Variants in AGBL4 observed in about 807,000 individuals in gnomAD.
AGBL4 encodes AGBL carboxypeptidase 4, also known as cytosolic carboxypeptidase 6.
AGBL4 carries 58 observed loss-of-function variants against 66.4 expected under a neutral mutation model. The observed-to-expected ratio is 0.87, with a 90% CI of 0.71 to 1.09. AGBL4 has a LOEUF of 1.09. Among genes scored for constraint, AGBL4 ranks in the 50% least tolerant of loss-of-function variants. The probability of loss-of-function intolerance (pLI) is 0.00; values close to 1 mark genes in which losing one functional copy is unlikely to be tolerated. For missense variants in AGBL4, 579 were observed against 631.0 expected (o/e 0.92, Z 0.88); for synonymous variants, 234 against 222.9 (o/e 1.05, Z -0.44).
intron 3 of AGBL4, among the ~76,000 whole-genome samples, chr1:49,319,823 C>T (rs1365497383): frequency 6.6e-6 from 1 of 152,192 alleles, no homozygotes; most frequent in Non-Finnish European, 1.5e-5. Flanking sequence ...CTAAATTCAT[C>T]CTTCCATAAG....
chr1:49,622,553 C>T (rs1033441621), intron 3 of AGBL4, among the ~76,000 whole-genome samples: 10 of 141,770 alleles, frequency 7.1e-5, no homozygotes, highest in Non-Finnish European at 1.4e-4. Flanking sequence ...GGCGTGAACC[C>T]GGGAGGCGGA....
At chr1:48,898,647 G>T in intron 5 of AGBL4, among the ~76,000 whole-genome samples, 1 of 32,502 alleles carries the variant, frequency 3.1e-5, no homozygotes, top group East Asian at 6.2e-4. Context: ...TGGTCTATGT[G>T]CTTATTTTTT....
At chr1:48,722,143 G>C (rs1647161666) in intron 6 of AGBL4, among the ~76,000 whole-genome samples, 1 of 145,332 alleles carries the variant, frequency 6.9e-6, no homozygotes, top group South Asian at 2.3e-4. Flanking sequence ...GTGGGTGGGT[G>C]GGCATTGGTG....
intron 1 of AGBL4, among the ~76,000 whole-genome samples, chr1:49,892,016 T>A (rs1217036602): frequency 6.6e-6 from 1 of 152,066 alleles, no homozygotes; most frequent in Non-Finnish European, 1.5e-5. Context: ...AAAGCCCTGA[T>A]CTGGAACTAA....
chr1:48,716,972 C>T lies in AGBL4; in HGVS notation c.635-53731G>A, dbSNP rs754266639. Among the ~76,000 whole-genome samples, 21 of 152,176 alleles carry T rather than the reference C, an allele frequency of 1.4e-4. 1 individual carries two copies. Among genetic ancestry groups the T allele is most frequent in the African/African-American group, 2.4e-4 (10 of 41,432 alleles). ...TTACAGTTCAAAAAGTGCCTTCAACCGATCCCCGATTTAATCCTCTCAAGA... is the reference window on the plus strand; with the variant it reads ...TTACAGTTCAAAAAGTGCCTTCAACTGATCCCCGATTTAATCCTCTCAAGA... On this transcript the variant is annotated intron_variant, in intron 6 of 13. Transcript: ENST00000371839.
intron 2 of AGBL4, among the ~76,000 whole-genome samples, chr1:49,703,160 CAT>C (rs1647132609): frequency 6.7e-6 from 1 of 149,778 alleles, no homozygotes; most frequent in African/African-American, 2.5e-5. Flanking sequence ...TTGCAGATGA[CAT>C]AATTTTTATG....
At chr1:48,785,775 C>T (rs894304085) in intron 6 of AGBL4, among the ~76,000 whole-genome samples, 3 of 152,160 alleles carry the variant, frequency 2.0e-5, no homozygotes, top group Non-Finnish European at 4.4e-5. Flanking sequence ...AGAGTTCTTT[C>T]TTATCCTGTT....
intron 5 of AGBL4, among the ~76,000 whole-genome samples, chr1:49,006,529 C>T (rs1235013214): frequency 6.6e-6 from 1 of 152,220 alleles, no homozygotes; most frequent in Non-Finnish European, 1.5e-5. Context: ...CCCACCACAG[C>T]TCAAGGAGGC....
chr1:48,858,887 G>A (rs1647263362), intron 6 of AGBL4, among the ~76,000 whole-genome samples: 1 of 152,050 alleles, frequency 6.6e-6, no homozygotes, highest in Non-Finnish European at 1.5e-5. Flanking sequence ...TTTTAACTTG[G>A]TGGGAATATA....
At chr1:48,596,560 A>G (rs1377468335) in intron 9 of AGBL4, among the ~76,000 whole-genome samples, 1 of 152,210 alleles carries the variant, frequency 6.6e-6, no homozygotes, top group Non-Finnish European at 1.5e-5. Context: ...CAAGCAAATC[A>G]AATAAACAAA....
chr1:49,922,841 A>T (rs1441765213), intron 1 of AGBL4, among the ~76,000 whole-genome samples: 1 of 152,244 alleles, frequency 6.6e-6, no homozygotes, highest in Non-Finnish European at 1.5e-5. Context: ...AAAGCATTAC[A>T]TGCTCATGGA....
At chr1:49,530,274 A>AAAAAAAAAAAAAAAAAAC (rs1553221141) in intron 3 of AGBL4, among the ~76,000 whole-genome samples, 18 of 134,824 alleles carry the variant, frequency 1.3e-4, no homozygotes, top group African/African-American at 5.8e-4. Flanking sequence ...AAAAAAAAAC[A>AAAAAAAAAAAAAAAAAAC]AAAAAAAACT....
chr1:49,993,625 T>C (rs961933542), intron 1 of AGBL4, among the ~76,000 whole-genome samples: 1 of 152,196 alleles, frequency 6.6e-6, no homozygotes, highest in Non-Finnish European at 1.5e-5. Flanking sequence ...ATCTTGTTAA[T>C]ATTAGGCTTG....
chr1:49,711,214 A>C (rs768289091), intron 2 of AGBL4, among the ~76,000 whole-genome samples: 71 of 152,138 alleles, frequency 4.7e-4, no homozygotes, highest in Non-Finnish European at 8.1e-4. Flanking sequence ...AATGTACACC[A>C]ATTATATGAC....
intron 5 of AGBL4, among the ~76,000 whole-genome samples, chr1:48,997,380 T>C (rs986006925): frequency 6.6e-6 from 1 of 152,158 alleles, no homozygotes; most frequent in African/African-American, 2.4e-5. Flanking sequence ...TACAAGTAGG[T>C]TGATGAATTT....
At chr1:48,770,138 G>A (rs1194718246) in intron 6 of AGBL4, among the ~76,000 whole-genome samples, 7 of 152,142 alleles carry the variant, frequency 4.6e-5, no homozygotes, top group Non-Finnish European at 8.8e-5. Flanking sequence ...TCCATTCTCT[G>A]ACCCCAACTC....
At chr1:49,059,492 GA>G (rs1224855611) in intron 4 of AGBL4, among the ~76,000 whole-genome samples, 1 of 152,252 alleles carries the variant, frequency 6.6e-6, no homozygotes, top group Admixed American at 6.5e-5. Context: ...AGGGCAGTGT[GA>G]AAGGGAAATG....
chr1:49,103,237 A>G (rs1175551836), intron 4 of AGBL4, among the ~76,000 whole-genome samples: 1 of 152,134 alleles, frequency 6.6e-6, no homozygotes, highest in African/African-American at 2.4e-5. Flanking sequence ...CTTCCTGCTT[A>G]TAGCAATATT....
chr1:49,754,156 T>G (rs1009044704), intron 2 of AGBL4, among the ~76,000 whole-genome samples: 3 of 152,104 alleles, frequency 2.0e-5, no homozygotes, highest in African/African-American at 7.2e-5. Flanking sequence ...AGGCATTCTG[T>G]TTTTTGGAAT....
Sources: allele counts gnomAD v4.1 joint callset (sites outside exome capture counted in the v4.1 genomes callset), GRCh38; gene constraint gnomAD v4.1.1; transcripts MANE v1.5; gene names NCBI Gene and HGNC (gene_info 2026-07-23, HGNC 2026-07-21).